RBPJ: variants seen among roughly 807,000 people sequenced by gnomAD.
The protein encoded by RBPJ is recombination signal binding protein for immunoglobulin kappa J region.
Under a neutral mutation model 67.8 loss-of-function variants are expected in RBPJ, and 9 were observed. That is an observed-to-expected ratio of 0.13 (90% CI 0.08 to 0.23). The LOEUF is 0.23. Among genes scored for constraint, RBPJ ranks in the 10% least tolerant of loss-of-function variants. The probability of loss-of-function intolerance (pLI) is 1.00; values close to 1 mark genes in which losing one functional copy is unlikely to be tolerated. For synonymous variants in RBPJ, 198 were observed against 203.3 expected, an observed-to-expected ratio of 0.97 and a Z score of 0.22; for missense variants, 305 against 595.6, an observed-to-expected ratio of 0.51 and a Z score of 5.08.
chr4:26,281,722 A>G (rs1721279434), intron 1 of RBPJ, among the ~76,000 whole-genome samples: 2 of 152,224 alleles, frequency 1.3e-5, no homozygotes, highest in African/African-American at 4.8e-5. Flanking sequence ...CTGTGTATTA[A>G]TCTTCAGAGT....
chr4:26,413,014 C>A (rs1166768761), intron 3 of RBPJ: 1 of 152,222 alleles, frequency 6.6e-6, no homozygotes, highest in South Asian at 2.1e-4. Flanking sequence ...GAAAACTGCT[C>A]TTTTCTATTG....
chr4:26,389,684 G>A (rs1458743587), intron 2 of RBPJ, among the ~76,000 whole-genome samples: 1 of 151,488 alleles, frequency 6.6e-6, no homozygotes, highest in African/African-American at 2.4e-5. Context: ...TTAACTTTTT[G>A]CCAATAATAT....
At chr4:26,238,014 G>A (rs1432483840) in intron 1 of RBPJ, among the ~76,000 whole-genome samples, 4 of 152,106 alleles carry the variant, frequency 2.6e-5, no homozygotes, top group South Asian at 2.1e-4. Context: ...CATCATGTCC[G>A]GCCATTAAAG....
rs563678480 is a variant in RBPJ at position 26,240,967 on chromosome 4, C to T, written c.-167+77353C>T. ...CTAATCCATACTTTATAATTGGCAA[C>T]AACATATCACACGTATATAAATGAG... On this transcript the variant is annotated intron_variant, in intron 1 of 4. Coordinates refer to the RBPJ transcript ENST00000512351. Among the ~76,000 whole-genome samples the T allele has an allele frequency of 3.9e-5, 6 of 152,134 alleles. No individual in the cohort carries two copies. The South Asian group carries it at 1.2e-3, about 32-fold the overall frequency.
chr4:26,376,852 T>C (rs1443699252), intron 1 of RBPJ, among the ~76,000 whole-genome samples: 3 of 152,240 alleles, frequency 2.0e-5, no homozygotes, highest in Non-Finnish European at 2.9e-5. Flanking sequence ...GGGTATGAAG[T>C]GGTATCTCAT....
chr4:26,244,246 TG>T (rs1719771935), intron 1 of RBPJ, among the ~76,000 whole-genome samples: 2 of 13,630 alleles, frequency 1.5e-4, no homozygotes, highest in African/African-American at 1.8e-4. Flanking sequence ...TCTATATATG[TG>T]TACACATACA....
intron 1 of RBPJ, among the ~76,000 whole-genome samples, chr4:26,281,199 A>G (rs941783735): frequency 6.6e-6 from 1 of 152,206 alleles, no homozygotes; most frequent in African/African-American, 2.4e-5. Context: ...CGCAGGCTTA[A>G]TGGGTAGTAT....
chr4:26,419,621 A>T (rs1734930129), intron 4 of RBPJ, among the ~76,000 whole-genome samples: 1 of 152,158 alleles, frequency 6.6e-6, no homozygotes. Context: ...TGGAATGTTG[A>T]TCCTTTAAAA....
chr4:26,171,293 A>T (rs1300030079), intron 1 of RBPJ, among the ~76,000 whole-genome samples: 1 of 152,210 alleles, frequency 6.6e-6, no homozygotes, highest in African/African-American at 2.4e-5. Flanking sequence ...GTTAAAACAT[A>T]GACATGTCAC....
At chr4:26,145,514 G>A in the RBPJ span, among the ~76,000 whole-genome samples, 11 of 152,160 alleles carry the variant, frequency 7.2e-5, no homozygotes, top group Non-Finnish European at 1.5e-5. Flanking sequence ...TATGTTTATT[G>A]TCCTAACATA....
intron 1 of RBPJ, among the ~76,000 whole-genome samples, chr4:26,187,510 G>A (rs10805261): frequency 0.66 from 99,825 of 151,912 alleles, 33,637 homozygotes; most frequent in African/African-American, 0.8. Context: ...CAATTGAACA[G>A]AACAACATAA....
the RBPJ span, among the ~76,000 whole-genome samples, chr4:26,138,077 A>G: frequency 6.6e-6 from 1 of 152,188 alleles, no homozygotes; most frequent in African/African-American, 2.4e-5. Context: ...ATCTGCTGCT[A>G]TAAGTTGAGA....
chr4:26,418,282 T>C (rs1403474996), intron 4 of RBPJ, among the ~76,000 whole-genome samples: 1 of 152,242 alleles, frequency 6.6e-6, no homozygotes, highest in Non-Finnish European at 1.5e-5. Context: ...ATTTAACCTT[T>C]TGCAATAGCA....
At chr4:26,245,203 ATTTT>A (rs869234645) in intron 1 of RBPJ, among the ~76,000 whole-genome samples, 4 of 98,402 alleles carry the variant, frequency 4.1e-5, no homozygotes, top group African/African-American at 1.2e-4. Flanking sequence ...TCACTATTGT[ATTTT>A]TTTTTTTTTT....
At chr4:26,115,459 A>T in the RBPJ span, among the ~76,000 whole-genome samples, 1 of 151,578 alleles carries the variant, frequency 6.6e-6, no homozygotes, top group Non-Finnish European at 1.5e-5. Flanking sequence ...ATCTCAGCTC[A>T]CTGCAAGCTC....
At chr4:26,195,111 C>T (rs907216366) in intron 1 of RBPJ, among the ~76,000 whole-genome samples, 1 of 152,202 alleles carries the variant, frequency 6.6e-6, no homozygotes, top group Non-Finnish European at 1.5e-5. Flanking sequence ...TGGCTCATGT[C>T]TGTAATCCCA....
chr4:26,121,696 G>C, the RBPJ span, among the ~76,000 whole-genome samples: 4 of 152,042 alleles, frequency 2.6e-5, no homozygotes, highest in African/African-American at 9.7e-5. Flanking sequence ...CAATTATCCT[G>C]AGTTCACATA....
At chr4:26,118,137 C>T in the RBPJ span, among the ~76,000 whole-genome samples, 1 of 152,020 alleles carries the variant, frequency 6.6e-6, no homozygotes, top group Non-Finnish European at 1.5e-5. Context: ...TATATATTCA[C>T]CCATATATAT....
chr4:26,145,383 T>A, the RBPJ span, among the ~76,000 whole-genome samples: 6 of 152,168 alleles, frequency 3.9e-5, no homozygotes, highest in African/African-American at 1.4e-4. Flanking sequence ...GCTGGGTGAC[T>A]TTTAGATTAA....
Sources: allele counts gnomAD v4.1 joint callset (sites outside exome capture counted in the v4.1 genomes callset), GRCh38; gene constraint gnomAD v4.1.1; transcripts MANE v1.5; gene names NCBI Gene and HGNC (gene_info 2026-07-23, HGNC 2026-07-21).